The following DLG5 variants were observed in gnomAD, a reference collection of about 807,000 sequenced individuals.
The protein encoded by DLG5 is discs large MAGUK scaffold protein 5, also known as disks large homolog 5.
A neutral mutation model predicts 189.8 loss-of-function variants in DLG5; 48 were observed. That is an observed-to-expected ratio of 0.25 (90% CI 0.20 to 0.32). DLG5 has a LOEUF of 0.32. Among genes scored for constraint, DLG5 ranks in the 10% least tolerant of loss-of-function variants. The probability of loss-of-function intolerance (pLI) is 1.00; values close to 1 mark genes in which losing one functional copy is unlikely to be tolerated. For missense variants in DLG5, 2,160 were observed against 2,544.7 expected (o/e 0.85, Z 3.25); for synonymous variants, 1,016 against 1,054.1 (o/e 0.96, Z 0.70).
At chr10:77,822,705 TA>T (rs1348009473) in intron 14 of DLG5, among the ~76,000 whole-genome samples, 1 of 152,136 alleles carries the variant, frequency 6.6e-6, no homozygotes, top group African/African-American at 2.4e-5. Context: ...AACATAAAAG[TA>T]AAAATTCATT....
In DLG5 at chr10:77,832,606, C is replaced by T. The variant is rs11002307; in HGVS notation, c.1748+1308G>A. The stretch of plus-strand genomic sequence containing the variant: ...TGGCATTACCAGGGAGTGCCTGAGG[C>T]TTCCCAGGCAGCAACACAGACCCCC... On this transcript the variant is annotated intron_variant, in intron 9 of 31. Coordinates refer to ENST00000372391, the MANE Select transcript of DLG5 (RefSeq NM_004747.4). Among the ~76,000 whole-genome samples, 409 of 152,330 alleles carry T rather than the reference C, an allele frequency of 2.7e-3. 2 individuals are homozygous for T. The highest frequency in any genetic ancestry group is 9.1e-3 in the African/African-American group (379 of 41,578).
intron 2 of DLG5, among the ~76,000 whole-genome samples, chr10:77,862,837 A>C (rs919956963): frequency 6.6e-6 from 1 of 152,156 alleles, no homozygotes; most frequent in Non-Finnish European, 1.5e-5. Flanking sequence ...TACATACTAC[A>C]CAACCATTCA....
chr10:77,836,485 C>A (rs534826691), intron 7 of DLG5, among the ~76,000 whole-genome samples: 1 of 152,184 alleles, frequency 6.6e-6, no homozygotes, highest in South Asian at 2.1e-4. Context: ...GTGTCCCCGC[C>A]CCGAGACTCT....
upstream of DLG5, among the ~76,000 whole-genome samples, chr10:77,930,072 T>C (rs544699323): frequency 4.6e-5 from 7 of 152,304 alleles, no homozygotes; most frequent in African/African-American, 1.4e-4. Flanking sequence ...AGCCCTTCCA[T>C]GCTCTGGATA....
At chr10:77,824,342 C>A in intron 14 of DLG5, 42 bp downstream of exon 14, 1 of 1,480,166 alleles carries the variant, frequency 6.8e-7, no homozygotes, top group East Asian at 2.3e-5. Context: ...GGGCTCTGCC[C>A]ATACTCCTGA....
chr10:77,830,473 T>C, intron 10 of DLG5, 129 bp from the exon 11 acceptor site: 2 of 1,417,078 alleles, frequency 1.4e-6, no homozygotes, highest in Non-Finnish European at 1.9e-6. Context: ...AGACACTCCA[T>C]CCCCAGGATG....
intron 22 of DLG5, among the ~76,000 whole-genome samples, 167 bp from the exon 23 acceptor site, chr10:77,811,401 C>T (rs1841765765): frequency 6.6e-6 from 1 of 151,874 alleles, no homozygotes; most frequent in Non-Finnish European, 1.5e-5. Flanking sequence ...CCATGACATC[C>T]ACCTGTCCTC....
intron 3 of DLG5, among the ~76,000 whole-genome samples, chr10:77,854,818 T>G (rs1844153427): frequency 6.6e-6 from 1 of 151,582 alleles, no homozygotes; most frequent in Non-Finnish European, 1.5e-5. Flanking sequence ...AAACCCCGCC[T>G]CCACAAAAAA....
chr10:77,928,166 T>C (rs557374935), upstream of DLG5: 5 of 152,170 alleles, frequency 3.3e-5, no homozygotes, highest in East Asian at 7.8e-4. Context: ...AACAAACCAA[T>C]AATCCTTGCT....
intron 24 of DLG5, among the ~76,000 whole-genome samples, chr10:77,809,034 G>A (rs967743526): frequency 2.6e-5 from 4 of 151,742 alleles, no homozygotes; most frequent in African/African-American, 9.7e-5. Context: ...GGGAGGCGGA[G>A]GTTGTGGTGA....
Position 77,869,115 on chromosome 10 carries a change from A to T in DLG5, c.373+14T>A. 1.2e-6 allele frequency: 2 copies of T among 1,612,562 alleles called. No homozygotes were observed. Among genetic ancestry groups the T allele is most frequent in the Non-Finnish European group, 1.7e-6 (2 of 1,178,912 alleles). On this transcript the variant is annotated intron_variant, in intron 2 of 31. Coordinates refer to ENST00000372391, the MANE Select transcript of DLG5 (RefSeq NM_004747.4). The stretch of plus-strand genomic sequence containing the variant: ...CTGGCCCACCCGGTGTCCTCCCCAG[A>T]CAGTGGTACTCACCCACACTGCTGA...
At chr10:77,919,692 A>G (rs1846478276) in intron 1 of DLG5, among the ~76,000 whole-genome samples, 1 of 144,434 alleles carries the variant, frequency 6.9e-6, no homozygotes, top group South Asian at 2.1e-4. Context: ...ATGACTTTCT[A>G]CTCTTAGACA....
intron 24 of DLG5, among the ~76,000 whole-genome samples, chr10:77,808,890 T>C (rs558425884): frequency 6.6e-6 from 1 of 151,586 alleles, no homozygotes; most frequent in Admixed American, 6.6e-5. Context: ...AGGTCAGGAG[T>C]TTGAGACCAG....
chr10:77,813,658 T>C (rs113929215), intron 20 of DLG5, among the ~76,000 whole-genome samples: 51 of 152,214 alleles, frequency 3.4e-4, no homozygotes, highest in African/African-American at 1.2e-3. Flanking sequence ...CCTTAGATGA[T>C]GAAACAGAGG....
At chr10:77,914,350 A>G (rs1292927799) in intron 1 of DLG5, among the ~76,000 whole-genome samples, 2 of 152,168 alleles carry the variant, frequency 1.3e-5, no homozygotes, top group African/African-American at 4.8e-5. Context: ...CTCAGGGACA[A>G]GCTACCCCCA....
At chr10:77,810,236 C>T (rs1841692067) in intron 23 of DLG5, among the ~76,000 whole-genome samples, 1 of 152,228 alleles carries the variant, frequency 6.6e-6, no homozygotes, top group Non-Finnish European at 1.5e-5. Context: ...AAGTAAGCTG[C>T]TGAACACATG....
intron 1 of DLG5, among the ~76,000 whole-genome samples, chr10:77,905,336 AAACACGTGG>A (rs1353318037): frequency 6.6e-6 from 1 of 152,058 alleles, no homozygotes; most frequent in East Asian, 1.9e-4. Context: ...CAAGCTCAAT[AAACACGTGG>A]AATGGAGTGG....
At position 77,821,063 on chromosome 10, in the gene DLG5, C is replaced by A; in HGVS notation, c.3402+19G>T. 2 of 1,586,858 alleles carry A rather than the reference C, an allele frequency of 1.3e-6. No individual in the cohort carries two copies. Among genetic ancestry groups the A allele is most frequent in the Non-Finnish European group, 1.7e-6 (2 of 1,165,868 alleles). On this transcript the variant is annotated intron_variant, in intron 15 of 31. Transcript: ENST00000372391. ...CCTCTCTAGGCCTCCCCTCCCCACA[C>A]CCTGGGGCTCAGCTATACCTCCAGG...
At chr10:77,910,987 G>GAAAAAA (rs55832630) in intron 1 of DLG5, among the ~76,000 whole-genome samples, 56 of 83,858 alleles carry the variant, frequency 6.7e-4, no homozygotes, top group Non-Finnish European at 8.8e-4. Context: ...CTGTCTGAAG[G>GAAAAAA]AAAAAAAAAA....
Sources: allele counts gnomAD v4.1 joint callset (sites outside exome capture counted in the v4.1 genomes callset), GRCh38; gene constraint gnomAD v4.1.1; transcripts MANE v1.5; gene names NCBI Gene and HGNC (gene_info 2026-07-23, HGNC 2026-07-21).